The following INTS7 variants were observed in gnomAD, a reference collection of about 807,000 sequenced individuals.
INTS7 encodes the protein chromosome 1 open reading frame 73.
INTS7 carries 46 observed loss-of-function variants against 109.2 expected under a neutral mutation model. That is an observed-to-expected ratio of 0.42 (90% confidence interval 0.33 to 0.54). INTS7 has a LOEUF of 0.54. INTS7 is among the 20% of genes least tolerant of loss of function. The pLI is 0.07. For missense variants in INTS7, 929 were observed against 1,132.4 expected (o/e 0.82, Z 2.58); for synonymous variants, 412 against 402.9 (o/e 1.02, Z -0.27).
chr1:212,010,920 T>C (rs1666141034), intron 5 of INTS7, among the ~76,000 whole-genome samples: 1 of 152,188 alleles, frequency 6.6e-6, no homozygotes, highest in African/African-American at 2.4e-5. Flanking sequence ...TGCAAGACTA[T>C]ATCTGCATGG....
intron 1 of INTS7, among the ~76,000 whole-genome samples, chr1:212,033,422 C>T (rs539286975): frequency 2.6e-4 from 40 of 152,306 alleles, no homozygotes; most frequent in Admixed American, 1.2e-3. Flanking sequence ...AAAACACTCA[C>T]GCCAGGCATT....
At chr1:212,007,502 T>C in intron 5 of INTS7, 53 bp from the exon 6 acceptor site, 4 of 1,417,314 alleles carry the variant, frequency 2.8e-6, no homozygotes, top group South Asian at 1.2e-5. Context: ...CTTAATAATA[T>C]TCCAGATTTA....
At chr1:211,949,138 C>G (rs1346215154) in intron 17 of INTS7, among the ~76,000 whole-genome samples, 1 of 152,154 alleles carries the variant, frequency 6.6e-6, no homozygotes, top group Non-Finnish European at 1.5e-5. Flanking sequence ...CTGATTCTTC[C>G]TTTTGCCATC....
At chr1:211,956,732 TG>T (rs1334490829) in intron 16 of INTS7, among the ~76,000 whole-genome samples, 1 of 152,222 alleles carries the variant, frequency 6.6e-6, no homozygotes, top group African/African-American at 2.4e-5. Flanking sequence ...AGGGCACGCA[TG>T]GTTTCTGTAT....
intron 15 of INTS7, among the ~76,000 whole-genome samples, 189 bp from the exon 16 acceptor site, chr1:211,966,687 T>C (rs1012485487): frequency 6.6e-6 from 1 of 152,190 alleles, no homozygotes; most frequent in Admixed American, 6.5e-5. Context: ...ATAGTGATCC[T>C]CAGACTCTGT....
rs537162681 is a variant in INTS7, at chr1:211,992,864, A to C, written c.880-4861T>G. On this transcript the variant is annotated intron_variant, in intron 7 of 19. Coordinates refer to ENST00000366994, the MANE Select transcript of INTS7 (RefSeq NM_015434.4). Reference sequence around the variant, plus strand: ...TGTTACCAGGACCATTTTTCATAACAAAAAGGAAAAACTGTCTTTTCAAAT... The same window carrying C: ...TGTTACCAGGACCATTTTTCATAACCAAAAGGAAAAACTGTCTTTTCAAAT... Among the ~76,000 whole-genome samples the C allele has an allele frequency of 1.2e-3, 189 of 152,276 alleles. 3 individuals carry two copies. The highest frequency in any genetic ancestry group is 0.012 in the Admixed American group (186 of 15,292).
intron 8 of INTS7, among the ~76,000 whole-genome samples, chr1:211,986,906 C>T (rs1005539766): frequency 6.6e-6 from 1 of 152,134 alleles, no homozygotes; most frequent in Non-Finnish European, 1.5e-5. Context: ...TACTATGCGG[C>T]CATAAAAGGG....
intron 7 of INTS7, among the ~76,000 whole-genome samples, chr1:211,996,350 A>G (rs1371820867): frequency 6.6e-6 from 1 of 152,122 alleles, no homozygotes; most frequent in Admixed American, 6.5e-5. Context: ...TGAACCCAGG[A>G]GGTGGAGGCT....
At chr1:211,948,507 A>C (rs1662939599) in intron 17 of INTS7, among the ~76,000 whole-genome samples, 1 of 152,210 alleles carries the variant, frequency 6.6e-6, no homozygotes, top group Non-Finnish European at 1.5e-5. Flanking sequence ...TTCAGGCAGA[A>C]AGTCACCATT....
At chr1:211,952,730 C>T in intron 16 of INTS7, 29 bp from the exon 17 acceptor site, 1 of 1,594,774 alleles carries the variant, frequency 6.3e-7, no homozygotes, top group Non-Finnish European at 8.6e-7. Flanking sequence ...TTCATTAATC[C>T]ATCAAAATAG....
intron 1 of INTS7, among the ~76,000 whole-genome samples, chr1:212,021,433 A>T (rs1440885529): frequency 6.6e-6 from 1 of 152,152 alleles, no homozygotes; most frequent in Non-Finnish European, 1.5e-5. Context: ...AAAATTTTTT[A>T]AAGGTAAGAG....
In INTS7 at chr1:212,011,374, C is replaced by T; in HGVS notation, c.556+1G>A. On this transcript the variant is annotated splice_donor_variant, in intron 5 of 19. Transcript: ENST00000366994. LOFTEE classifies it high-confidence loss of function. ...CATAATACTAAATGAAGAATACATACCTTGAATCATTTCACTGATTTTGTT... is the reference window on the plus strand; with the variant it reads ...CATAATACTAAATGAAGAATACATATCTTGAATCATTTCACTGATTTTGTT... 1 of 1,528,062 alleles carries T rather than the reference C, an allele frequency of 6.5e-7. No individual in the cohort carries two copies. Among genetic ancestry groups the T allele is most frequent in the Non-Finnish European group, 9.0e-7 (1 of 1,107,558 alleles). 94.7% of individuals were successfully genotyped at this position (1,528,062 alleles called of 1,614,324 possible).
At chr1:211,995,433 T>C (rs1054234970) in intron 7 of INTS7, among the ~76,000 whole-genome samples, 5 of 152,152 alleles carry the variant, frequency 3.3e-5, no homozygotes, top group Admixed American at 2.6e-4. Flanking sequence ...TAAATCTAAC[T>C]ATAAGGATCA....
Position 211,963,774 on chromosome 1 carries a change from A to G in INTS7, c.2183+2656T>C, listed in dbSNP as rs116309389. ...CAATCAATGCAGAAAAGGCTTTTTG[A>G]TAAAATTCCATATCCCATTATATTA... is the stretch of plus-strand genomic sequence containing the variant. On this transcript the variant is annotated intron_variant, in intron 16 of 19. Transcript: ENST00000366994. Among the ~76,000 whole-genome samples the G allele has an allele frequency of 3.7e-3, 567 of 152,248 alleles. 5 individuals carry two copies. Among genetic ancestry groups the G allele is most frequent in the African/African-American group, 0.013 (531 of 41,548 alleles).
rs1184161886 is a variant in INTS7 at position 211,946,500 on chromosome 1, C to A, written c.2415+107G>T. The A allele has an allele frequency of 4.8e-5, 31 of 652,630 alleles. 1 individual carries two copies. The South Asian group carries it at 5.7e-4, about 12-fold the overall frequency. The allele number at this position is 652,630 out of a possible 1,614,324, so 40.4% of individuals were successfully genotyped here. On this transcript the variant is annotated intron_variant, in intron 18 of 19. Transcript: ENST00000366994. The surrounding 1 kb of genome is among the most constrained non-coding windows in gnomAD (Gnocchi z 4.3). ...CAAAAAACAAAACAAAACAAAAAAA[C>A]CAATAAACCAAAGGTAACACACTGA...
Position 211,942,009 on chromosome 1 carries a change from G to C in INTS7, c.2704C>G (p.His902Asp), listed in dbSNP as rs766741328. The C allele has an allele frequency of 6.2e-7, 1 of 1,614,184 alleles. No homozygotes were observed. ...ACAGAAGATTCCACTGTAATGTTGT[G>C]TGTTCCAAGGATAGCAAAGTTCAAC... is the stretch of plus-strand genomic sequence containing the variant. ...FLLNFAILGT[H>D]NITVESSVKD... Residue 902 changes from histidine to aspartate, a missense_variant, in exon 20 of 20, where the codon CAC (histidine) becomes GAC (aspartate). Physicochemically the swap from His to Asp is moderately conservative, Grantham distance 81. This residue lies in a region of INTS7 where 787 missense variants were observed against 901.1 expected (regional missense o/e 0.87). Coordinates refer to ENST00000366994, the MANE Select transcript of INTS7 (RefSeq NM_015434.4). The surrounding 1 kb of genome is among the most constrained non-coding windows in gnomAD (Gnocchi z 4.2).
chr1:211,996,048 C>T (rs1422413706), intron 7 of INTS7, among the ~76,000 whole-genome samples: 1 of 151,946 alleles, frequency 6.6e-6, no homozygotes, highest in Admixed American at 6.5e-5. Flanking sequence ...CACACACTGA[C>T]AAGAGAAAAA....
At chr1:211,944,705 C>T (rs1662777367) in intron 19 of INTS7, 79 bp downstream of exon 19, 1 of 1,178,202 alleles carries the variant, frequency 8.5e-7, no homozygotes, top group Admixed American at 1.7e-5. Flanking sequence ...ATCTATTTAA[C>T]CATGAAAAAC....
intron 4 of INTS7, among the ~76,000 whole-genome samples, chr1:212,015,971 A>T (rs904215055): frequency 6.6e-6 from 1 of 151,922 alleles, no homozygotes; most frequent in African/African-American, 2.4e-5. Context: ...TATATAAGCT[A>T]TTGGGGTTTT....
Sources: gnomAD v4.1 joint callset for allele counts (sites outside exome capture counted in the v4.1 genomes callset) on GRCh38, gnomAD v4.1.1 for gene constraint, gnomAD v4.1.1 regional missense constraint, Gnocchi (gnomAD v3.1) non-coding constraint, MANE v1.5 for transcripts, NCBI Gene and HGNC (gene_info 2026-07-23, HGNC 2026-07-21) for gene names.